Variants in PCDHGB5 observed in about 807,000 individuals in gnomAD.
PCDHGB5 encodes protocadherin gamma subfamily B, 5.
Under a neutral mutation model 62.9 loss-of-function variants are expected in PCDHGB5, and 48 were observed. That is an observed-to-expected ratio of 0.76 (90% CI 0.61 to 0.97). The LOEUF (loss-of-function observed/expected upper bound fraction) is 0.97. Ranked by LOEUF, PCDHGB5 falls within the 50% of genes least tolerant of loss-of-function variation. The pLI is 0.00. For missense variants in PCDHGB5, 1,118 were observed against 1,198.6 expected, an observed-to-expected ratio of 0.93 and a Z score of 0.99; for synonymous variants, 474 against 511.2, an observed-to-expected ratio of 0.93 and a Z score of 0.98.
intron 1 of PCDHGB5, among the ~76,000 whole-genome samples, chr5:141,469,096 G>A (rs1191827174): frequency 6.6e-6 from 1 of 151,944 alleles, no homozygotes; most frequent in Non-Finnish European, 1.5e-5. Flanking sequence ...AGGCAACAAA[G>A]CAAGAACCTG....
intron 1 of PCDHGB5, chr5:141,410,448 C>T: frequency 6.2e-7 from 1 of 1,614,006 alleles, no homozygotes; most frequent in Non-Finnish European, 8.5e-7. Context: ...GGGACTTTGC[C>T]TTATTCTTAT....
At chr5:141,481,811 G>A (rs1050821120) in intron 1 of PCDHGB5, among the ~76,000 whole-genome samples, 1 of 151,892 alleles carries the variant, frequency 6.6e-6, no homozygotes. Context: ...AATTCACCAG[G>A]CGTGGTGGCT....
chr5:141,409,357 T>A, intron 1 of PCDHGB5: 2 of 1,613,968 alleles, frequency 1.2e-6, no homozygotes, highest in Non-Finnish European at 1.7e-6. Context: ...TCAGGTGTAA[T>A]ATAGAAACAG....
intron 1 of PCDHGB5, among the ~76,000 whole-genome samples, chr5:141,443,832 A>G (rs2098407108): frequency 6.6e-6 from 1 of 152,224 alleles, no homozygotes; most frequent in African/African-American, 2.4e-5. Context: ...ATTAGGTAAA[A>G]TGGGTAATAT....
chr5:141,432,663 G>A lies in PCDHGB5; in HGVS notation c.2397+32139G>A. ...CGCACGGCGCGAGCCCTGCTGGACA[G>A]AGACGCGCTCAAGCAGAGCCTCGTA... On this transcript the variant is annotated intron_variant, in intron 1 of 3. Coordinates refer to ENST00000617380, the MANE Select transcript of PCDHGB5 (RefSeq NM_018925.3). This position sits in a 1 kb window ranked among gnomAD's most constrained non-coding sequence, Gnocchi z 6.0. 1 of 1,613,886 alleles carries A rather than the reference G, an allele frequency of 6.2e-7. No individual in the cohort carries two copies. Among genetic ancestry groups the A allele is most frequent in the Non-Finnish European group, 8.5e-7 (1 of 1,179,952 alleles).
At chr5:141,417,854 C>G in intron 1 of PCDHGB5, 2 of 1,543,902 alleles carry the variant, frequency 1.3e-6, no homozygotes, top group Non-Finnish European at 1.8e-6. Flanking sequence ...AGAACCCGAG[C>G]GAACGATGGG....
At chr5:141,465,144 T>A (rs965605798) in intron 1 of PCDHGB5, among the ~76,000 whole-genome samples, 4 of 152,008 alleles carry the variant, frequency 2.6e-5, no homozygotes, top group Admixed American at 6.6e-5. Flanking sequence ...TTAGGGGATA[T>A]ATGAAGGGAC....
At chr5:141,510,898 T>C in intron 3 of PCDHGB5, 49 bp from the exon 4 acceptor site, 1 of 1,613,278 alleles carries the variant, frequency 6.2e-7, no homozygotes, top group Non-Finnish European at 8.5e-7. Context: ...ACAGTGACTG[T>C]TGAGGACCCT....
At chr5:141,415,205 C>A (rs2095843771) in intron 1 of PCDHGB5, 2 of 1,614,040 alleles carry the variant, frequency 1.2e-6, no homozygotes, top group Non-Finnish European at 1.7e-6. Context: ...CAAGTCCTGG[C>A]GGACCTCGGC....
At position 141,489,657 on chromosome 5, in the gene PCDHGB5, G is replaced by T. The variant is rs755618175; in HGVS notation, c.2398-5150G>T. 6.2e-7 allele frequency: 1 copy of T among 1,614,198 alleles called. No individual in the cohort carries two copies. Among genetic ancestry groups the T allele is most frequent in the Admixed American group, 1.7e-5 (1 of 60,030 alleles). ...CTAGCTTTGCCACCCCTGAGCGAGA[G>T]ATGCGCATCTCAGAATCAGCAGCAT... On this transcript the variant is annotated intron_variant, in intron 1 of 3. Coordinates refer to ENST00000617380, the MANE Select transcript of PCDHGB5 (RefSeq NM_018925.3). This position sits in a 1 kb window ranked among gnomAD's most constrained non-coding sequence, Gnocchi z 4.5.
chr5:141,411,743 G>A (rs2095510866), intron 1 of PCDHGB5: 2 of 152,860 alleles, frequency 1.3e-5, no homozygotes, highest in Non-Finnish European at 2.9e-5. Flanking sequence ...TTAGCAGGGT[G>A]TGGTGGCACA....
chr5:141,498,976 G>A (rs1311505059), intron 2 of PCDHGB5, among the ~76,000 whole-genome samples: 1 of 13,010 alleles, frequency 7.7e-5, no homozygotes, highest in Non-Finnish European at 2.3e-4. Context: ...AGGGAGGGAA[G>A]GAAGGAAGGA....
In PCDHGB5 at chr5:141,487,819, C is replaced by A; in HGVS notation, c.2398-6988C>A. 2.3e-6 allele frequency: 3 copies of A among 1,285,528 alleles called. No homozygotes were observed. Among genetic ancestry groups the A allele is most frequent in the Non-Finnish European group, 3.2e-6 (3 of 932,998 alleles). 79.6% of individuals were successfully genotyped at this position (1,285,528 alleles called of 1,614,324 possible). On this transcript the variant is annotated intron_variant, in intron 1 of 3. Transcript: ENST00000617380. This position sits in a 1 kb window ranked among gnomAD's most constrained non-coding sequence, Gnocchi z 5.0. ...AGTTGTCACAGTTTAGCATTGGGGG[C>A]GGGTCATGCCTATATCTGAGTAAGA...
rs370995300 is a variant in PCDHGB5, at chr5:141,399,359, C to T, written c.1232C>T (p.Thr411Ile). The part of the protein sequence containing the change: ...VTDGTLDREQ[T>I]PEYNVTITAT... ...GATGGAACCCTAGACCGAGAGCAAACCCCGGAGTACAATGTCACCATCACA... is the reference window on the plus strand; with the variant it reads ...GATGGAACCCTAGACCGAGAGCAAATCCCGGAGTACAATGTCACCATCACA... Residue 411 changes from threonine to isoleucine, a missense_variant, in exon 1 of 4, where the codon ACC becomes ATC. Around this residue, in one of 2 missense-constraint regions of PCDHGB5, gnomAD observed 1,034 missense variants for 1,029.1 expected, o/e 1.00. Coordinates refer to ENST00000617380, the MANE Select transcript of PCDHGB5 (RefSeq NM_018925.3). 2.6e-4 allele frequency: 427 copies of T among 1,613,884 alleles called. No individual in the cohort carries two copies. The highest frequency in any genetic ancestry group is 1.2e-4 in the Non-Finnish European group (140 of 1,179,916).
chr5:141,408,315 C>T lies in PCDHGB5; in HGVS notation c.2397+7791C>T, dbSNP rs757628906. The stretch of plus-strand genomic sequence containing the variant: ...AGTGAGCCGATCCGCTACTCGATTC[C>T]GGAGGAGCTGGCCAAGGGCTCGGTG... On this transcript the variant is annotated intron_variant, in intron 1 of 3. Coordinates refer to ENST00000617380, the MANE Select transcript of PCDHGB5 (RefSeq NM_018925.3). The T allele has an allele frequency of 5.6e-6, 9 of 1,613,712 alleles. No homozygotes were observed. The highest frequency in any genetic ancestry group is 6.8e-6 in the Non-Finnish European group (8 of 1,179,748).
At position 141,431,245 on chromosome 5, in the gene PCDHGB5, C is replaced by T; in HGVS notation, c.2397+30721C>T. The T allele has an allele frequency of 1.2e-6, 2 of 1,614,134 alleles. No individual in the cohort carries two copies. The highest frequency in any genetic ancestry group is 1.7e-6 in the Non-Finnish European group (2 of 1,180,038). ...TACCCCACGCCTGGGATCCGGATATCGGGAAGAACTCTCTGCAGAGCTACG... is the reference window on the plus strand; with the variant it reads ...TACCCCACGCCTGGGATCCGGATATTGGGAAGAACTCTCTGCAGAGCTACG... On this transcript the variant is annotated intron_variant, in intron 1 of 3. Transcript: ENST00000617380. This position sits in a 1 kb window ranked among gnomAD's most constrained non-coding sequence, Gnocchi z 4.8.
intron 1 of PCDHGB5, chr5:141,441,837 G>A (rs952709777): frequency 2.8e-6 from 1 of 354,138 alleles, no homozygotes. Context: ...ATGGCTTCGC[G>A]CTCTTGGATA....
At chr5:141,475,146 G>A (rs938308425) in intron 1 of PCDHGB5, among the ~76,000 whole-genome samples, 3 of 152,014 alleles carry the variant, frequency 2.0e-5, no homozygotes, top group African/African-American at 4.8e-5. Context: ...AATCTTCTCC[G>A]TCTTCTTCTT....
At position 141,409,239 on chromosome 5, in the gene PCDHGB5, A is replaced by C. The variant is rs1330242516; in HGVS notation, c.2397+8715A>C. The C allele has an allele frequency of 5.0e-6, 8 of 1,613,920 alleles. No individual in the cohort carries two copies. In the Admixed American group the frequency reaches 1.3e-4, roughly 27 times the overall value. On this transcript the variant is annotated intron_variant, in intron 1 of 3. Transcript: ENST00000617380. ...CTTGATGAAAACGACAACAGCCCAG[A>C]AATAATCATCACTTCTCTCTCTGAT... is the stretch of plus-strand genomic sequence containing the variant.
Sources: allele counts gnomAD v4.1 joint callset (sites outside exome capture counted in the v4.1 genomes callset), GRCh38; gene constraint gnomAD v4.1.1; regional missense constraint gnomAD v4.1.1; non-coding constraint Gnocchi (gnomAD v3.1); transcripts MANE v1.5; gene names NCBI Gene and HGNC (gene_info 2026-07-23, HGNC 2026-07-21).